Variants in RTN1 observed in about 807,000 individuals in gnomAD.
RTN1 encodes reticulon 1, also known as reticulon-1.
RTN1 carries 25 observed loss-of-function variants against 65.5 expected under a neutral mutation model. That is an observed-to-expected ratio of 0.38 (90% CI 0.28 to 0.53). The LOEUF is 0.53. RTN1 is among the 20% of genes least tolerant of loss of function. The probability of loss-of-function intolerance (pLI) is 0.79; values close to 1 mark genes in which losing one functional copy is unlikely to be tolerated. For missense variants in RTN1, 983 were observed against 1,025.4 expected (o/e 0.96, Z 0.57); for synonymous variants, 471 against 447.6 (o/e 1.05, Z -0.66).
intron 3 of RTN1, among the ~76,000 whole-genome samples, chr14:59,631,350 G>A (rs542957264): frequency 1.3e-5 from 2 of 152,288 alleles, no homozygotes; most frequent in South Asian, 4.2e-4. Flanking sequence ...GGAGTCATTG[G>A]TCAATGCAGT....
rs867449123 is a variant in RTN1 at position 59,749,651 on chromosome 14, A to G, written c.242-3170T>C. 9.5e-5 allele frequency among the ~76,000 whole-genome samples: 4 copies of G among 42,114 alleles called. 1 individual carries two copies. Among genetic ancestry groups the G allele is most frequent in the African/African-American group, 6.8e-4 (4 of 5,866 alleles). 27.6% of individuals were successfully genotyped at this position (42,114 alleles called of 152,430 possible). ...TATATATAGATATCTATATATATTT[A>G]TATAGATATCTATATATATTTATAT... On this transcript the variant is annotated intron_variant, in intron 1 of 8. Transcript: ENST00000267484.
At chr14:59,775,697 G>A (rs1886038227) in intron 1 of RTN1, among the ~76,000 whole-genome samples, 1 of 152,070 alleles carries the variant, frequency 6.6e-6, no homozygotes, top group African/African-American at 2.4e-5. Flanking sequence ...TACATCTCCA[G>A]ACCAAAAATA....
At chr14:59,802,924 G>A (rs1315411978) in intron 1 of RTN1, among the ~76,000 whole-genome samples, 2 of 151,834 alleles carry the variant, frequency 1.3e-5, no homozygotes, top group Admixed American at 6.6e-5. Flanking sequence ...ATACCTCCTA[G>A]AAGAGATGAC....
At chr14:59,775,267 G>A (rs1886030346) in intron 1 of RTN1, among the ~76,000 whole-genome samples, 4 of 152,140 alleles carry the variant, frequency 2.6e-5, no homozygotes, top group Admixed American at 2.6e-4. Flanking sequence ...AGGACCCTGG[G>A]TCCCTGAATC....
intron 3 of RTN1, among the ~76,000 whole-genome samples, chr14:59,686,609 A>T (rs1190378271): frequency 1.3e-5 from 2 of 152,226 alleles, no homozygotes; most frequent in African/African-American, 4.8e-5. Context: ...TCTAGGAGGA[A>T]AACGTGGGCA....
intron 3 of RTN1, among the ~76,000 whole-genome samples, chr14:59,696,916 T>C (rs1884076021): frequency 6.6e-6 from 1 of 152,134 alleles, no homozygotes; most frequent in African/African-American, 2.4e-5. Flanking sequence ...AATCACAAGA[T>C]CTAGAAAATA....
At chr14:59,639,891 A>G (rs1882740744) in intron 3 of RTN1, among the ~76,000 whole-genome samples, 1 of 152,214 alleles carries the variant, frequency 6.6e-6, no homozygotes. Flanking sequence ...TCTATGTGAC[A>G]TCATTTTAAT....
At chr14:59,802,941 A>G (rs1381400355) in intron 1 of RTN1, among the ~76,000 whole-genome samples, 1 of 152,160 alleles carries the variant, frequency 6.6e-6, no homozygotes, top group African/African-American at 2.4e-5. Context: ...TGACTTTTAC[A>G]AAGAGGAGAA....
intron 1 of RTN1, among the ~76,000 whole-genome samples, chr14:59,754,094 A>C (rs921260997): frequency 6.6e-6 from 1 of 152,236 alleles, no homozygotes; most frequent in Non-Finnish European, 1.5e-5. Context: ...ACTTCAAAAA[A>C]GTACTTATAA....
intron 1 of RTN1, among the ~76,000 whole-genome samples, chr14:59,865,234 T>G (rs1357716348): frequency 6.6e-6 from 1 of 152,154 alleles, no homozygotes; most frequent in Non-Finnish European, 1.5e-5. Flanking sequence ...GTTTATAAGT[T>G]TTAAGAATCC....
chr14:59,628,615 A>ATC (rs1882462151), intron 3 of RTN1, among the ~76,000 whole-genome samples: 2 of 152,224 alleles, frequency 1.3e-5, no homozygotes, highest in African/African-American at 4.8e-5. Flanking sequence ...AGATGACCAA[A>ATC]GGTCGCTGAG....
At chr14:59,645,692 C>A (rs979149901) in intron 3 of RTN1, among the ~76,000 whole-genome samples, 4 of 152,206 alleles carry the variant, frequency 2.6e-5, no homozygotes, top group Non-Finnish European at 5.9e-5. Context: ...CAGCACAGAG[C>A]ATCCACCTAA....
chr14:59,819,172 G>A (rs1460202864), intron 1 of RTN1, among the ~76,000 whole-genome samples: 2 of 152,148 alleles, frequency 1.3e-5, no homozygotes, highest in East Asian at 1.9e-4. Flanking sequence ...CACAGTGTGT[G>A]TTATAGCTCA....
At chr14:59,668,219 G>A (rs975746087) in intron 3 of RTN1, among the ~76,000 whole-genome samples, 5 of 152,186 alleles carry the variant, frequency 3.3e-5, no homozygotes, top group Non-Finnish European at 7.3e-5. Flanking sequence ...CAAGGCTACA[G>A]TAACCAAGAC....
At chr14:59,760,916 T>C (rs143902298) in intron 1 of RTN1, among the ~76,000 whole-genome samples, 3 of 152,310 alleles carry the variant, frequency 2.0e-5, no homozygotes, top group African/African-American at 4.8e-5. Flanking sequence ...GACCTAATGA[T>C]ACAAAATGAG....
At chr14:59,660,991 C>T (rs535663667) in intron 3 of RTN1, among the ~76,000 whole-genome samples, 27 of 150,976 alleles carry the variant, frequency 1.8e-4, no homozygotes, top group Middle Eastern at 3.2e-3. Context: ...AGACTGCTAG[C>T]CAGACTAATA....
At chr14:59,835,273 G>A (rs1411675736) in intron 1 of RTN1, among the ~76,000 whole-genome samples, 2 of 152,044 alleles carry the variant, frequency 1.3e-5, no homozygotes, top group African/African-American at 2.4e-5. Context: ...TATATGGTAT[G>A]ATTCCATTTC....
intron 1 of RTN1, among the ~76,000 whole-genome samples, chr14:59,819,302 G>A (rs79078800): frequency 0.012 from 1,822 of 150,416 alleles, 33 homozygotes; most frequent in African/African-American, 0.041. Context: ...CTCGGGTGGC[G>A]GGTCTTTATT....
Position 59,790,025 on chromosome 14 carries a change from G to A in RTN1, c.242-43544C>T, listed in dbSNP as rs1238555320. ...ATCGAATGAGATAAAAAAGGGAAAT[G>A]CCCGAGCTAAAGCAATGAATCAAGG... On this transcript the variant is annotated intron_variant, in intron 1 of 8. Coordinates refer to ENST00000267484, the MANE Select transcript of RTN1 (RefSeq NM_021136.3). This position sits in a 1 kb window ranked among gnomAD's most constrained non-coding sequence, Gnocchi z 4.1. 6.6e-6 allele frequency among the ~76,000 whole-genome samples: 1 copy of A among 152,006 alleles called. No individual in the cohort carries two copies.
Sources: allele counts gnomAD v4.1 joint callset (sites outside exome capture counted in the v4.1 genomes callset), GRCh38; gene constraint gnomAD v4.1.1; non-coding constraint Gnocchi (gnomAD v3.1); transcripts MANE v1.5; gene names NCBI Gene and HGNC (gene_info 2026-07-23, HGNC 2026-07-21).